EML3: variants seen among roughly 807,000 people sequenced by gnomAD.
EML3 encodes echinoderm microtubule-associated protein-like 3.
In EML3, 53 loss-of-function variants were observed where a neutral mutation model predicts 106.7. That is an observed-to-expected ratio of 0.50 (90% confidence interval 0.40 to 0.62). The LOEUF is 0.62. EML3 is among the 20% of genes least tolerant of loss of function. The pLI, the probability that EML3 is intolerant of heterozygous loss-of-function variation, is 0.00. For missense variants in EML3, 994 were observed against 1,209.1 expected, an observed-to-expected ratio of 0.82 and a Z score of 2.64; for synonymous variants, 499 against 489.6, an observed-to-expected ratio of 1.02 and a Z score of -0.25.
At chr11:62,608,063 G>T in intron 10 of EML3, 138 bp downstream of exon 10, 1 of 903,204 alleles carries the variant, frequency 1.1e-6, no homozygotes, top group South Asian at 1.5e-5. Flanking sequence ...AGAAACTAAG[G>T]GTCAGAGAAG....
chr11:62,604,868 C>G (rs973631861), intron 16 of EML3: 1 of 373,854 alleles, frequency 2.7e-6, no homozygotes, highest in Non-Finnish European at 4.9e-6. Flanking sequence ...GTTTCTCTAT[C>G]CTGGGCTGCT....
chr11:62,608,255 C>T lies in EML3; in HGVS notation c.1152G>A (p.Glu384=), dbSNP rs1392561488. The change falls in exon 10 of 22, where the codon GAG becomes GAA. Residue 384 remains glutamate (E), a synonymous_variant. Transcript: ENST00000394773. ...AFLCVVDDSN[E]HMLSVWDCSR... is the part of the protein sequence containing the mutation. ...TGCAGTCCCACACCGACAGCATGTG[C>T]TCATTGGAATCATCCACCACACAAA... The T allele has an allele frequency of 6.2e-7, 1 of 1,613,996 alleles. No homozygotes were observed.
Position 62,608,442 on chromosome 11 carries a change from G to A in EML3, c.1110+100C>T, listed in dbSNP as rs983853870. 9 of 1,386,562 alleles carry A rather than the reference G, an allele frequency of 6.5e-6. No individual in the cohort carries two copies. In the Admixed American group the frequency reaches 1.4e-4, roughly 21 times the overall value. The allele number at this position is 1,386,562 out of a possible 1,614,324, so 85.9% of individuals were successfully genotyped here. On this transcript the variant is annotated intron_variant, in intron 9 of 21. Coordinates refer to ENST00000394773, the MANE Select transcript of EML3 (RefSeq NM_153265.3). ...CCTTTCTCAAGAGAACCAGCTGGGT[G>A]GGGTTCAGGAAGGCCAGAACTTCCA...
At chr11:62,607,486 G>T (rs113033797) in intron 11 of EML3, 180 bp downstream of exon 11, 9 of 650,492 alleles carry the variant, frequency 1.4e-5, no homozygotes, top group Non-Finnish European at 2.2e-5. Flanking sequence ...GCAGTGAGCC[G>T]AGATCTTGCC....
rs1565070228 is a variant in EML3, at chr11:62,612,656, C to T, written c.-199G>A. ...GGCCCGGGGCCGCAGTCTCCAGACC[C>T]CCCCGGGCCCTCGGACTCTCCCGGG... On this transcript the variant is annotated 5_prime_UTR_variant, in exon 1 of 22. Transcript: ENST00000394773. 4.7e-6 allele frequency: 2 copies of T among 423,394 alleles called. No individual in the cohort carries two copies. Among genetic ancestry groups the T allele is most frequent in the Non-Finnish European group, 8.0e-6 (2 of 250,266 alleles). 26.2% of individuals were successfully genotyped at this position (423,394 alleles called of 1,614,324 possible). A position where few individuals can be genotyped will look rare whatever the true frequency, so the allele number is the denominator to read the frequency against.
intron 10 of EML3, 61 bp from the exon 11 acceptor site, chr11:62,607,882 T>A: frequency 6.4e-7 from 1 of 1,565,882 alleles, no homozygotes; most frequent in Non-Finnish European, 8.7e-7. Context: ...TCTACTTGAC[T>A]CTCCTCAATT....
At chr11:62,612,020 C>T (rs1201571168) in intron 1 of EML3, 5 of 358,910 alleles carry the variant, frequency 1.4e-5, no homozygotes, top group Non-Finnish European at 2.5e-5. Flanking sequence ...GGAGAGAGAA[C>T]GGGGTGCGGG....
chr11:62,602,397 T>A lies in EML3; in HGVS notation c.*78A>T. 1 of 1,428,928 alleles carries A rather than the reference T, an allele frequency of 7.0e-7. No individual in the cohort carries two copies. Among genetic ancestry groups the A allele is most frequent in the South Asian group, 1.2e-5 (1 of 82,264 alleles). The allele number at this position is 1,428,928 out of a possible 1,614,324, so 88.5% of individuals were successfully genotyped here. ...AGTCCAGGAAAGAGTCGGCCCCTAGTCGTGGGGGATTGGGCCAGGGAAGGG... is the reference window on the plus strand; with the variant it reads ...AGTCCAGGAAAGAGTCGGCCCCTAGACGTGGGGGATTGGGCCAGGGAAGGG... On this transcript the variant is annotated 3_prime_UTR_variant, in exon 22 of 22. Coordinates refer to ENST00000394773, the MANE Select transcript of EML3 (RefSeq NM_153265.3).
chr11:62,612,587 G>A lies in EML3; in HGVS notation c.-130C>T, dbSNP rs1590766851. Reference sequence around the variant, plus strand: ...AGGGCGCCGTACCACCACCCCGAGGGGGCGCTGTCGGGCGCGGGGAAGGGG... The same window carrying A: ...AGGGCGCCGTACCACCACCCCGAGGAGGCGCTGTCGGGCGCGGGGAAGGGG... On this transcript the variant is annotated 5_prime_UTR_variant, in exon 1 of 22. Transcript: ENST00000394773. The A allele has an allele frequency of 3.4e-6, 3 of 887,982 alleles. No individual in the cohort carries two copies. The East Asian group carries it at 1.0e-4, about 31-fold the overall frequency. 55.0% of individuals were successfully genotyped at this position (887,982 alleles called of 1,614,324 possible).
Position 62,611,493 on chromosome 11 carries a change from G to C in EML3, c.126C>G (p.Arg42=). The C allele has an allele frequency of 6.2e-7, 1 of 1,613,784 alleles. No individual in the cohort carries two copies. The highest frequency in any genetic ancestry group is 1.1e-5 in the South Asian group (1 of 91,088). Residue 42 remains arginine, a synonymous_variant, in exon 2 of 22, where the codon CGC becomes CGG. Coordinates refer to ENST00000394773, the MANE Select transcript of EML3 (RefSeq NM_153265.3). ...LVKAALAEAL[R]LLRLQVPPSS... ...AAGGGGGCACCTGCAGCCGCAGCAGGCGAAGGGCTTCTGCCAGGGCTGCCT... is the reference window on the plus strand; with the variant it reads ...AAGGGGGCACCTGCAGCCGCAGCAGCCGAAGGGCTTCTGCCAGGGCTGCCT...
chr11:62,609,357 CAGTCAAG>C lies in EML3; in HGVS notation c.748_754del (p.Leu250GlyfsTer69). The C allele has an allele frequency of 6.4e-7, 1 of 1,571,546 alleles. No individual in the cohort carries two copies. Among genetic ancestry groups the C allele is most frequent in the Non-Finnish European group, 8.6e-7 (1 of 1,158,668 alleles). Reference sequence around the variant, plus strand: ...GGGACTGGAAGGGGCAGGATACACCCAGTCAAGGCTGAGGGTCTCTGGCGGTGGGCCA... The same window carrying C: ...GGGACTGGAAGGGGCAGGATACACCCGCTGAGGGTCTCTGGCGGTGGGCCA... On this transcript the variant is annotated frameshift_variant, in exon 6 of 22. Transcript: ENST00000394773. LOFTEE classifies it high-confidence loss of function.
In EML3 at chr11:62,608,656, G is replaced by A. The variant is rs751812128; in HGVS notation, c.1000-4C>T. The A allele has an allele frequency of 2.5e-6, 4 of 1,614,178 alleles. No individual in the cohort carries two copies. The highest frequency in any genetic ancestry group is 2.7e-5 in the African/African-American group (2 of 75,044). On this transcript the variant is annotated splice_polypyrimidine_tract_variant and splice_region_variant and intron_variant, in intron 8 of 21. Coordinates refer to ENST00000394773, the MANE Select transcript of EML3 (RefSeq NM_153265.3). ...TGTGAACCACAGGCTGCAGGGGCTG[G>A]TGGAGGAAGAGTCACAAGTGTGAAG...
chr11:62,607,293 TG>T (rs2134376022), intron 11 of EML3, 194 bp from the exon 12 acceptor site: 1 of 576,598 alleles, frequency 1.7e-6, no homozygotes, highest in East Asian at 3.1e-5. Flanking sequence ...CACTCCAGCC[TG>T]GGTGATAGAG....
intron 12 of EML3, 26 bp downstream of exon 12, chr11:62,606,932 C>T (rs1251870851): frequency 1.2e-6 from 2 of 1,608,940 alleles, no homozygotes; most frequent in African/African-American, 2.7e-5. Flanking sequence ...TACTACACTT[C>T]CCAGATGCCC....
At position 62,610,897 on chromosome 11, in the gene EML3, C is replaced by T. The variant is rs760790853; in HGVS notation, c.548G>A (p.Arg183Gln). The change falls in exon 4 of 22, where the codon CGG becomes CAG. Residue 183 changes from arginine to glutamine, a missense_variant. Around this residue, in one of 3 missense-constraint regions of EML3, gnomAD observed 269 missense variants for 265.1 expected, o/e 1.01. Coordinates refer to ENST00000394773, the MANE Select transcript of EML3 (RefSeq NM_153265.3). The stretch of plus-strand genomic sequence containing the variant: ...CACCCACCTCTCTGTGCTCCCGGAC[C>T]GCACTAACAGGTTGGCGGAGGAGAT... ...KAISSANLLVRSGSTESRGGK... is the reference protein window; with the variant it reads ...KAISSANLLVQSGSTESRGGK... 3.1e-6 allele frequency: 5 copies of T among 1,611,856 alleles called. No individual in the cohort carries two copies. The highest frequency in any genetic ancestry group is 1.7e-4 in the Middle Eastern group (1 of 5,826).
chr11:62,612,294 G>A (rs950302481), intron 1 of EML3, 142 bp downstream of exon 1: 12 of 811,110 alleles, frequency 1.5e-5, no homozygotes, highest in Non-Finnish European at 2.1e-5. Context: ...GAGGGCGACC[G>A]GAGGAACTGT....
At position 62,610,962 on chromosome 11, in the gene EML3, G is replaced by C. The variant is rs139089908; in HGVS notation, c.483C>G (p.Ser161=). ...TPRRNSSSSS[S]PSERPRQKLS... ...GCTTCTGCCGAGGCCGCTCTGAGGG[G>C]GATGAGGAGGAGGAAGAATTTCTTC... Residue 161 remains serine (S), a synonymous_variant, in exon 4 of 22, where the codon TCC becomes TCG. Coordinates refer to ENST00000394773, the MANE Select transcript of EML3 (RefSeq NM_153265.3). 6.2e-7 allele frequency: 1 copy of C among 1,613,826 alleles called. No homozygotes were observed. Among genetic ancestry groups the C allele is most frequent in the East Asian group, 2.2e-5 (1 of 44,884 alleles).
chr11:62,602,566 C>T lies in EML3; in HGVS notation c.2600G>A (p.Trp867Ter), dbSNP rs1358924724. ...CGCGCCCCCAGCGCCCAGCACTCGC[C>T]ACTGGAAGATGCTGGCGTCCTTGCC... ...LGGKDASIFQWRVLGAGGAGP... is the reference protein window; with the variant it reads ...LGGKDASIFQ The change falls in exon 22 of 22, where the codon TGG (tryptophan) becomes TAG (stop). Residue 867 changes from tryptophan (W) to a stop codon, truncating the protein, a stop_gained. Coordinates refer to ENST00000394773, the MANE Select transcript of EML3 (RefSeq NM_153265.3). LOFTEE classifies it high-confidence loss of function. 1 of 1,526,702 alleles carries T rather than the reference C, an allele frequency of 6.6e-7. No individual in the cohort carries two copies. The highest frequency in any genetic ancestry group is 1.4e-5 in the African/African-American group (1 of 72,368). 94.6% of individuals were successfully genotyped at this position (1,526,702 alleles called of 1,614,324 possible). A position where few individuals can be genotyped will look rare whatever the true frequency, so the allele number is the denominator to read the frequency against.
At chr11:62,608,478 G>T in intron 9 of EML3, 64 bp downstream of exon 9, 1 of 1,525,046 alleles carries the variant, frequency 6.6e-7, no homozygotes, top group Non-Finnish European at 9.1e-7. Flanking sequence ...AGGCTTCCTG[G>T]TGACATGCAA....
Sources: allele counts gnomAD v4.1 joint callset, GRCh38; gene constraint gnomAD v4.1.1; regional missense constraint gnomAD v4.1.1; transcripts MANE v1.5; gene names NCBI Gene and HGNC (gene_info 2026-07-23, HGNC 2026-07-21).